DSCAM: variants seen among roughly 807,000 people sequenced by gnomAD.
DSCAM encodes DS cell adhesion molecule, also known as cell adhesion molecule DSCAM.
In DSCAM, 47 loss-of-function variants were observed where a neutral mutation model predicts 217.7. The observed-to-expected ratio is 0.22, with a 90% CI of 0.17 to 0.28. DSCAM has a LOEUF of 0.28. Among genes scored for constraint, DSCAM ranks in the 10% least tolerant of loss-of-function variants. DSCAM has a pLI of 1.00. For synonymous variants in DSCAM, 1,056 were observed against 1,015.3 expected, an observed-to-expected ratio of 1.04 and a Z score of -0.76; for missense variants, 2,080 against 2,618.3, an observed-to-expected ratio of 0.79 and a Z score of 4.49.
intron 1 of DSCAM, among the ~76,000 whole-genome samples, chr21:40,805,112 T>C (rs944310670): frequency 5.9e-5 from 9 of 152,212 alleles, no homozygotes; most frequent in Non-Finnish European, 2.9e-5. Context: ...GAATCCACCC[T>C]TGCTCCTCTC....
chr21:40,818,098 G>A (rs1302395525), intron 1 of DSCAM, among the ~76,000 whole-genome samples: 1 of 58,522 alleles, frequency 1.7e-5, no homozygotes, highest in Non-Finnish European at 2.8e-5. Context: ...GCGAGACTCC[G>A]TCTCAAAAAA....
intron 3 of DSCAM, among the ~76,000 whole-genome samples, chr21:40,498,780 T>TATATATATATATGG: frequency 1.0e-4 from 2 of 19,574 alleles, no homozygotes; most frequent in Non-Finnish European, 1.8e-4. Context: ...TATATGGGTG[T>TATATATATATATGG]GTATATATAT....
At chr21:40,743,579 A>G (rs944418617) in intron 1 of DSCAM, among the ~76,000 whole-genome samples, 58 of 152,318 alleles carry the variant, frequency 3.8e-4, no homozygotes, top group Middle Eastern at 3.4e-3. Context: ...GGATCTGCTT[A>G]TACTAGAAGA....
intron 1 of DSCAM, among the ~76,000 whole-genome samples, chr21:40,713,831 G>A (rs1357752776): frequency 6.6e-6 from 1 of 152,092 alleles, no homozygotes; most frequent in Non-Finnish European, 1.5e-5. Context: ...CAGAATAGAG[G>A]CAGAAGAGAC....
At chr21:40,121,679 G>GTTTTTTTTTTTTT (rs1568951642) in intron 20 of DSCAM, among the ~76,000 whole-genome samples, 1 of 76,708 alleles carries the variant, frequency 1.3e-5, no homozygotes, top group Non-Finnish European at 2.8e-5. Context: ...TCTCATTACT[G>GTTTTTTTTTTTTT]TCTTTTTTTT....
intron 11 of DSCAM, among the ~76,000 whole-genome samples, chr21:40,222,480 G>A (rs983763523): frequency 1.3e-5 from 2 of 152,142 alleles, no homozygotes; most frequent in South Asian, 4.1e-4. Context: ...GTATCAAAGA[G>A]CAATAGCCAT....
chr21:40,162,823 T>C (rs190243526), intron 16 of DSCAM, among the ~76,000 whole-genome samples: 209 of 152,318 alleles, frequency 1.4e-3, no homozygotes, highest in Admixed American at 2.8e-3. Context: ...TTATTGCAAG[T>C]AATCACTTTG....
At chr21:40,714,560 T>C (rs1311915343) in intron 1 of DSCAM, among the ~76,000 whole-genome samples, 1 of 152,236 alleles carries the variant, frequency 6.6e-6, no homozygotes, top group Non-Finnish European at 1.5e-5. Context: ...TCCTGCCTCT[T>C]TCTCCTTTTT....
At chr21:40,295,507 G>A (rs2073944254) in intron 10 of DSCAM, among the ~76,000 whole-genome samples, 1 of 152,148 alleles carries the variant, frequency 6.6e-6, no homozygotes, top group Admixed American at 6.5e-5. Context: ...CAGGGAACAT[G>A]AGACAATCGC....
intron 16 of DSCAM, among the ~76,000 whole-genome samples, chr21:40,149,204 ACCAT>A (rs2090393024): frequency 6.6e-6 from 1 of 151,854 alleles, no homozygotes; most frequent in African/African-American, 2.4e-5. Flanking sequence ...CATCACCACA[ACCAT>A]CCATCATTCC....
chr21:40,679,634 ACTCTGATTTAG>A (rs1177302262), intron 3 of DSCAM, among the ~76,000 whole-genome samples: 1 of 152,222 alleles, frequency 6.6e-6, no homozygotes, highest in African/African-American at 2.4e-5. Context: ...GCAAATACAT[ACTCTGATTTAG>A]CTGTGATGGT....
chr21:40,111,620 C>A (rs1269801500), intron 20 of DSCAM, among the ~76,000 whole-genome samples: 1 of 152,086 alleles, frequency 6.6e-6, no homozygotes, highest in Admixed American at 6.6e-5. Context: ...CACTGACTGG[C>A]AAATTGGATA....
intron 3 of DSCAM, among the ~76,000 whole-genome samples, chr21:40,410,532 C>T (rs548616217): frequency 5.3e-5 from 8 of 151,026 alleles, no homozygotes; most frequent in South Asian, 2.1e-4. Flanking sequence ...CAATAAGTAC[C>T]GTTAATATTA....
chr21:40,498,576 C>T (rs1031430731), intron 3 of DSCAM, among the ~76,000 whole-genome samples: 1 of 145,538 alleles, frequency 6.9e-6, no homozygotes, highest in Admixed American at 7.0e-5. Context: ...CCTATGTAAA[C>T]ATGAATATAT....
intron 12 of DSCAM, 139 bp from the exon 13 acceptor site, chr21:40,188,126 A>T (rs1170026290): frequency 8.2e-6 from 5 of 606,576 alleles, no homozygotes; most frequent in Non-Finnish European, 1.4e-5. Context: ...ACACACACAC[A>T]CTCACAAAAC....
chr21:40,550,753 C>A (rs1052242020), intron 3 of DSCAM, among the ~76,000 whole-genome samples: 1 of 152,152 alleles, frequency 6.6e-6, no homozygotes, highest in Non-Finnish European at 1.5e-5. Flanking sequence ...GCCTCCAGAA[C>A]CATAATATGT....
chr21:40,098,010 GAA>G (rs2089704721), intron 20 of DSCAM, among the ~76,000 whole-genome samples: 1 of 115,156 alleles, frequency 8.7e-6, no homozygotes, highest in Non-Finnish European at 1.8e-5. Context: ...AAGAAAGAAA[GAA>G]AGAAATGTAC....
At chr21:40,531,207 A>C (rs927639751) in intron 3 of DSCAM, among the ~76,000 whole-genome samples, 10 of 152,110 alleles carry the variant, frequency 6.6e-5, no homozygotes, top group African/African-American at 2.4e-4. Context: ...TCCTGCTGGC[A>C]CCTGCAGCTT....
At chr21:40,276,388 T>A in intron 10 of DSCAM, 118 bp from the exon 11 acceptor site, 1 of 812,802 alleles carries the variant, frequency 1.2e-6, no homozygotes. Context: ...CATAAGGCAG[T>A]CACGGGATAC....
Sources: allele counts gnomAD v4.1 joint callset (sites outside exome capture counted in the v4.1 genomes callset), GRCh38; gene constraint gnomAD v4.1.1; transcripts MANE v1.5; gene names NCBI Gene and HGNC (gene_info 2026-07-23, HGNC 2026-07-21).